Variants in DOCK4 observed in about 807,000 individuals in gnomAD.
DOCK4 encodes the protein dedicator of cytokinesis protein 4.
DOCK4 carries 97 observed loss-of-function variants against 268.1 expected under a neutral mutation model. That is an observed-to-expected ratio of 0.36 (90% CI 0.31 to 0.43). The LOEUF (loss-of-function observed/expected upper bound fraction) is 0.43. Ranked by LOEUF, DOCK4 falls within the 20% of genes least tolerant of loss-of-function variation. DOCK4 has a pLI of 1.00. For synonymous variants in DOCK4, 954 were observed against 887.2 expected (o/e 1.08, Z -1.34); for missense variants, 2,145 against 2,455.7 (o/e 0.87, Z 2.67).
chr7:111,982,927 T>C (rs1218467857), intron 7 of DOCK4, among the ~76,000 whole-genome samples: 1 of 152,206 alleles, frequency 6.6e-6, no homozygotes, highest in Non-Finnish European at 1.5e-5. Flanking sequence ...ACGGATTATA[T>C]TTGTTATGTA....
intron 12 of DOCK4, among the ~76,000 whole-genome samples, chr7:111,933,151 T>A (rs1794357413): frequency 7.1e-6 from 1 of 141,696 alleles, no homozygotes; most frequent in African/African-American, 2.6e-5. Context: ...TATATATACG[T>A]ATATACACAT....
In DOCK4 at chr7:111,728,083, CATTT is replaced by C; in HGVS notation, c.*187_*190del. On this transcript the variant is annotated 3_prime_UTR_variant, in exon 53 of 53. Coordinates refer to ENST00000428084, the MANE Select transcript of DOCK4 (RefSeq NM_001363540.2). ...GTTTTAATGAAATTCAGCCATACTTCATTTAACATCTGGCGTTTTAGATCAGCAA... is the reference window on the plus strand; with the variant it reads ...GTTTTAATGAAATTCAGCCATACTTCAACATCTGGCGTTTTAGATCAGCAA... 2.3e-6 allele frequency: 1 copy of C among 430,878 alleles called. No homozygotes were observed. The highest frequency in any genetic ancestry group is 6.0e-4 in the Middle Eastern group (1 of 1,662). 26.7% of individuals were successfully genotyped at this position (430,878 alleles called of 1,614,324 possible).
chr7:112,133,785 T>A (rs1339621361), intron 1 of DOCK4, among the ~76,000 whole-genome samples: 4 of 152,206 alleles, frequency 2.6e-5, no homozygotes, highest in Non-Finnish European at 5.9e-5. Flanking sequence ...GATGTACGGT[T>A]ATAAAGGACA....
In DOCK4 at chr7:112,193,530, T is replaced by A. The variant is rs910549211; in HGVS notation, c.37+12572A>T. ...AGGAGGATCACTTCAGCCTGAGAGA[T>A]CAAGGCTGCAGTGAGCCATGATCAC... On this transcript the variant is annotated intron_variant, in intron 1 of 52. Coordinates refer to ENST00000428084, the MANE Select transcript of DOCK4 (RefSeq NM_001363540.2). Among the ~76,000 whole-genome samples, 4 of 149,248 alleles carry A rather than the reference T, an allele frequency of 2.7e-5. No individual in the cohort carries two copies. The Admixed American group carries it at 2.7e-4, about 10-fold the overall frequency.
At position 111,728,176 on chromosome 7, in the gene DOCK4, G is replaced by C; in HGVS notation, c.*98C>G. On this transcript the variant is annotated 3_prime_UTR_variant, in exon 53 of 53. Transcript: ENST00000428084. ...TTTAATTCCATTCATCGAAGGAGCT[G>C]AGTAAGTTATTAAAGTGCCTACACT... 1 of 880,906 alleles carries C rather than the reference G, an allele frequency of 1.1e-6. No homozygotes were observed. Among genetic ancestry groups the C allele is most frequent in the Non-Finnish European group, 1.5e-6 (1 of 645,830 alleles). The allele number at this position is 880,906 out of a possible 1,614,324, so 54.6% of individuals were successfully genotyped here.
At chr7:112,141,412 G>C (rs146722165) in intron 1 of DOCK4, among the ~76,000 whole-genome samples, 1 of 152,222 alleles carries the variant, frequency 6.6e-6, no homozygotes, top group African/African-American at 2.4e-5. Flanking sequence ...CTATAGATGT[G>C]ATTAACACTG....
rs1554581803 is a variant in DOCK4, at chr7:111,753,007, G to GC, written c.4416+2507_4416+2508insG. Among the ~76,000 whole-genome samples, 3 of 146,112 alleles carry GC rather than the reference G, an allele frequency of 2.1e-5. No homozygotes were observed. In the East Asian group the frequency reaches 6.1e-4, roughly 30 times the overall value. ...CTTAACAAAAGTTGATAAGCTATTG[G>GC]GGGGGGGGTCTGTGATTTAGAAAAT... On this transcript the variant is annotated intron_variant, in intron 42 of 52. Coordinates refer to ENST00000428084, the MANE Select transcript of DOCK4 (RefSeq NM_001363540.2).
At chr7:112,053,068 A>G (rs1805505670) in intron 1 of DOCK4, among the ~76,000 whole-genome samples, 1 of 152,230 alleles carries the variant, frequency 6.6e-6, no homozygotes, top group Non-Finnish European at 1.5e-5. Flanking sequence ...TCAAAGAACA[A>G]ACACATAATA....
At chr7:112,081,973 G>A (rs73210930) in intron 1 of DOCK4, among the ~76,000 whole-genome samples, 36,644 of 151,998 alleles carry the variant, frequency 0.24, 5,664 homozygotes, top group Non-Finnish European at 0.35. Context: ...GACAAATTGG[G>A]CAAGTCACTG....
intron 12 of DOCK4, among the ~76,000 whole-genome samples, chr7:111,924,830 T>A (rs1476915143): frequency 6.6e-6 from 1 of 152,206 alleles, no homozygotes; most frequent in Non-Finnish European, 1.5e-5. Flanking sequence ...TAATGGTTGT[T>A]CCATTGGAGG....
rs140308903 is a variant in DOCK4 at position 111,729,500 on chromosome 7, G to C, written c.5482-780C>G. 5.5e-3 allele frequency among the ~76,000 whole-genome samples: 840 copies of C among 152,250 alleles called. 7 individuals are homozygous for C. Among genetic ancestry groups the C allele is most frequent in the African/African-American group, 0.019 (785 of 41,542 alleles). On this transcript the variant is annotated intron_variant, in intron 52 of 52. Transcript: ENST00000428084. Reference sequence around the variant, plus strand: ...GAGGTTGAGACTGCAGTGAGCCGTGGAGCCACCAGTGCACTCCAGCCTGGG... The same window carrying C: ...GAGGTTGAGACTGCAGTGAGCCGTGCAGCCACCAGTGCACTCCAGCCTGGG...
intron 1 of DOCK4, among the ~76,000 whole-genome samples, chr7:112,007,398 G>C (rs1800947801): frequency 6.6e-6 from 1 of 152,024 alleles, no homozygotes; most frequent in Admixed American, 6.6e-5. Flanking sequence ...ACAACCTCAG[G>C]GACTCTTCTC....
intron 25 of DOCK4, among the ~76,000 whole-genome samples, chr7:111,842,332 T>C (rs1451209428): frequency 6.6e-6 from 1 of 152,102 alleles, no homozygotes; most frequent in East Asian, 1.9e-4. Flanking sequence ...GAAAGACCAA[T>C]AGTTGGTAGA....
chr7:111,728,332 C>G lies in DOCK4; in HGVS notation c.5870G>C (p.Arg1957Pro). 1.3e-6 allele frequency: 2 copies of G among 1,518,536 alleles called. No homozygotes were observed. The highest frequency in any genetic ancestry group is 1.8e-6 in the Non-Finnish European group (2 of 1,135,706). The allele number at this position is 1,518,536 out of a possible 1,614,324, so 94.1% of individuals were successfully genotyped here. The change falls in exon 53 of 53, where the codon CGG (arginine) becomes CCG (proline). Residue 1957 changes from arginine (R) to proline (P), a missense_variant. Physicochemically the swap from Arg to Pro is moderately radical, Grantham distance 103. Coordinates refer to ENST00000428084, the MANE Select transcript of DOCK4 (RefSeq NM_001363540.2). ...ARSSHLENGA[R>P]RTDPGPRPRP... ...GGGCCGCGGGCCGGGGTCAGTCCTC[C>G]GGGCCCCATTCTCCAGGTGGCTGGA...
intron 1 of DOCK4, among the ~76,000 whole-genome samples, chr7:112,179,126 C>A (rs915533200): frequency 2.0e-5 from 3 of 152,168 alleles, no homozygotes; most frequent in Non-Finnish European, 2.9e-5. Context: ...TTGGCTCACA[C>A]CTATAATCTC....
intron 1 of DOCK4, among the ~76,000 whole-genome samples, chr7:112,061,903 T>C (rs541694320): frequency 1.4e-4 from 21 of 152,188 alleles, no homozygotes; most frequent in Non-Finnish European, 2.8e-4. Context: ...GGAAATGTTT[T>C]ATTGACTGCT....
intron 23 of DOCK4, among the ~76,000 whole-genome samples, chr7:111,852,570 A>G (rs1804669795): frequency 6.6e-6 from 1 of 152,154 alleles, no homozygotes; most frequent in South Asian, 2.1e-4. Flanking sequence ...TTTAATTAGA[A>G]AGGAAGATAA....
intron 10 of DOCK4, among the ~76,000 whole-genome samples, chr7:111,941,252 T>A (rs888680346): frequency 1.3e-5 from 2 of 152,224 alleles, no homozygotes; most frequent in Admixed American, 6.5e-5. Context: ...ATTTAAAATA[T>A]CAGGTTGTCA....
chr7:111,736,430 A>T (rs1366679402), intron 50 of DOCK4, among the ~76,000 whole-genome samples: 1 of 152,180 alleles, frequency 6.6e-6, no homozygotes, highest in Non-Finnish European at 1.5e-5. Context: ...ACCTTGAGGC[A>T]GGGCACACTC....
Sources: gnomAD v4.1 joint callset for allele counts (sites outside exome capture counted in the v4.1 genomes callset) on GRCh38, gnomAD v4.1.1 for gene constraint, MANE v1.5 for transcripts, NCBI Gene and HGNC (gene_info 2026-07-23, HGNC 2026-07-21) for gene names.